Variants in SOS2 observed in about 807,000 individuals in gnomAD.
The protein encoded by SOS2 is son of sevenless homolog 2.
In SOS2, 65 loss-of-function variants were observed where a neutral mutation model predicts 148.2. The ratio of observed to expected loss-of-function variants is 0.44; its 90% CI spans 0.36 to 0.54. The LOEUF (loss-of-function observed/expected upper bound fraction) is 0.54. Among genes scored for constraint, SOS2 ranks in the 20% least tolerant of loss-of-function variants. The probability of loss-of-function intolerance (pLI) is 0.00; values close to 1 mark genes in which losing one functional copy is unlikely to be tolerated. For synonymous variants in SOS2, 539 were observed against 537.1 expected, an observed-to-expected ratio of 1.00 and a Z score of -0.05; for missense variants, 1,341 against 1,590.2, an observed-to-expected ratio of 0.84 and a Z score of 2.67.
intron 4 of SOS2, among the ~76,000 whole-genome samples, chr14:50,190,015 A>AT (rs796242126): frequency 5.3e-5 from 8 of 149,630 alleles, no homozygotes; most frequent in South Asian, 2.1e-4. Flanking sequence ...TGCCTGGCTA[A>AT]TTTTTTTTTG....
rs1053252632 is a variant in SOS2 at position 50,161,945 on chromosome 14, C to G, written c.1069-336G>C. On this transcript the variant is annotated intron_variant, in intron 8 of 22. Coordinates refer to ENST00000216373, the MANE Select transcript of SOS2 (RefSeq NM_006939.4). ...TTTAAAATTTCTGTAGAGACAGGGTCTCGCTATGTCTCCCAGGCTGGTCTT... is the reference window on the plus strand; with the variant it reads ...TTTAAAATTTCTGTAGAGACAGGGTGTCGCTATGTCTCCCAGGCTGGTCTT... Among the ~76,000 whole-genome samples the G allele has an allele frequency of 9.9e-5, 15 of 151,902 alleles. No homozygotes were observed. In the East Asian group the frequency reaches 2.3e-3, roughly 24 times the overall value.
chr14:50,120,129 T>C, intron 22 of SOS2, 146 bp downstream of exon 22: 2 of 575,668 alleles, frequency 3.5e-6, no homozygotes, highest in East Asian at 6.2e-5. Context: ...ATTAAACAAC[T>C]AAAAGTATTT....
chr14:50,188,355 C>G, intron 5 of SOS2, 142 bp downstream of exon 5: 1 of 600,858 alleles, frequency 1.7e-6, no homozygotes, highest in Non-Finnish European at 2.9e-6. Context: ...GTGGTGCGAG[C>G]TGAGATCACG....
chr14:50,212,742 G>A (rs1219226216), intron 1 of SOS2, among the ~76,000 whole-genome samples: 1 of 152,168 alleles, frequency 6.6e-6, no homozygotes, highest in Non-Finnish European at 1.5e-5. Flanking sequence ...CTTTTCTAGT[G>A]CCCATGTCAC....
chr14:50,143,689 G>A (rs1388371054), intron 16 of SOS2, among the ~76,000 whole-genome samples: 12 of 152,032 alleles, frequency 7.9e-5, no homozygotes, highest in East Asian at 1.9e-4. Context: ...TGATCCACCC[G>A]CCTCGGCCTC....
In SOS2 at chr14:50,215,502, G is replaced by A. The variant is rs1299143689; in HGVS notation, c.88-11093C>T. 4 of 1,230,724 alleles carry A rather than the reference G, an allele frequency of 3.3e-6. No homozygotes were observed. In the African/African-American group the frequency reaches 6.4e-5, roughly 20 times the overall value. The allele number at this position is 1,230,724 out of a possible 1,614,324, so 76.2% of individuals were successfully genotyped here. A position where few individuals can be genotyped will look rare whatever the true frequency, so the allele number is the denominator to read the frequency against. On this transcript the variant is annotated intron_variant, in intron 1 of 22. Transcript: ENST00000216373. ...GCCTATCATATTTTTTGAAAGCCTA[G>A]TCAGAAAAAGAGCAATTAAAATAAT...
intron 1 of SOS2, among the ~76,000 whole-genome samples, chr14:50,228,389 C>T (rs1887444489): frequency 1.3e-5 from 2 of 152,058 alleles, no homozygotes; most frequent in African/African-American, 2.4e-5. Context: ...CCAAAGCCTA[C>T]TCTTTTATGT....
chr14:50,214,117 AAG>A, intron 1 of SOS2, among the ~76,000 whole-genome samples: 1 of 25,780 alleles, frequency 3.9e-5, no homozygotes, highest in Non-Finnish European at 1.6e-4. Flanking sequence ...TTTTCATAAC[AAG>A]CTTTGCAGAG....
intron 8 of SOS2, among the ~76,000 whole-genome samples, chr14:50,169,989 A>ACC (rs1460740483): frequency 1.6e-4 from 24 of 152,194 alleles, no homozygotes; most frequent in African/African-American, 5.3e-4. Context: ...GTACTGACGT[A>ACC]AACATGGCTC....
chr14:50,228,314 A>C (rs752232325), intron 1 of SOS2, among the ~76,000 whole-genome samples: 8 of 152,096 alleles, frequency 5.3e-5, no homozygotes, highest in Non-Finnish European at 7.4e-5. Flanking sequence ...AGAGTGCTGG[A>C]TTACAGGTGT....
At chr14:50,166,345 C>T (rs1400956894) in intron 8 of SOS2, among the ~76,000 whole-genome samples, 1 of 152,064 alleles carries the variant, frequency 6.6e-6, no homozygotes, top group Non-Finnish European at 1.5e-5. Flanking sequence ...GCCTTAACCC[C>T]CCAACCCCTG....
chr14:50,185,263 T>C (rs750215002), intron 5 of SOS2, among the ~76,000 whole-genome samples: 13 of 152,156 alleles, frequency 8.5e-5, no homozygotes, highest in Non-Finnish European at 1.8e-4. Context: ...GATCTGACAC[T>C]ATTTAGAGGT....
intron 13 of SOS2, 118 bp downstream of exon 13, chr14:50,152,952 A>C: frequency 1.8e-6 from 1 of 542,344 alleles, no homozygotes; most frequent in Non-Finnish European, 3.3e-6. Flanking sequence ...ACAACAAAGC[A>C]AAGCTCTGTT....
intron 13 of SOS2, among the ~76,000 whole-genome samples, chr14:50,150,447 C>T (rs1303945565): frequency 6.6e-6 from 1 of 152,132 alleles, no homozygotes; most frequent in East Asian, 1.9e-4. Context: ...ACCTTTAAAA[C>T]ACTCTTTAAA....
chr14:50,180,552 AACCTTC>A lies in SOS2; in HGVS notation c.969+14_969+19del. On this transcript the variant is annotated intron_variant, in intron 7 of 22. Coordinates refer to ENST00000216373, the MANE Select transcript of SOS2 (RefSeq NM_006939.4). ...CTTTATTAAAAAAAAAAAAAAAAAAAACCTTCAATTTAAGTTTACCTGAAAGTGTAG... is the reference window on the plus strand; with the variant it reads ...CTTTATTAAAAAAAAAAAAAAAAAAAAATTTAAGTTTACCTGAAAGTGTAG... 1.8e-6 allele frequency: 2 copies of A among 1,085,164 alleles called. No individual in the cohort carries two copies. Among genetic ancestry groups the A allele is most frequent in the East Asian group, 2.5e-5 (1 of 40,264 alleles). 67.2% of individuals were successfully genotyped at this position (1,085,164 alleles called of 1,614,324 possible). A position where few individuals can be genotyped will look rare whatever the true frequency, so the allele number is the denominator to read the frequency against.
chr14:50,160,726 G>A (rs1210898886), intron 9 of SOS2, among the ~76,000 whole-genome samples: 1 of 152,152 alleles, frequency 6.6e-6, no homozygotes, highest in African/African-American at 2.4e-5. Context: ...TTGGCCAGGT[G>A]CAGTGGCTCA....
chr14:50,118,272 C>T lies in SOS2; in HGVS notation c.*72G>A. On this transcript the variant is annotated 3_prime_UTR_variant, in exon 23 of 23. Coordinates refer to ENST00000216373, the MANE Select transcript of SOS2 (RefSeq NM_006939.4). ...TGTAAAAAGTACTAAAATACTATGT[C>T]TTTTTTTGAATAAATTAAAAAAAAA... 7.8e-7 allele frequency: 1 copy of T among 1,284,358 alleles called. No individual in the cohort carries two copies. Among genetic ancestry groups the T allele is most frequent in the Non-Finnish European group, 1.1e-6 (1 of 927,762 alleles). 79.6% of individuals were successfully genotyped at this position (1,284,358 alleles called of 1,614,324 possible).
intron 8 of SOS2, among the ~76,000 whole-genome samples, chr14:50,165,135 C>A (rs1247581066): frequency 2.0e-5 from 3 of 152,158 alleles, no homozygotes; most frequent in Non-Finnish European, 2.9e-5. Context: ...TCTCATAGCT[C>A]ATCTTACAAC....
At chr14:50,134,801 C>T (rs1003377771) in intron 18 of SOS2, among the ~76,000 whole-genome samples, 4 of 151,968 alleles carry the variant, frequency 2.6e-5, no homozygotes, top group African/African-American at 9.7e-5. Flanking sequence ...AGGCCGAGCA[C>T]GGTGGCTCAC....
Sources: allele counts gnomAD v4.1 joint callset (sites outside exome capture counted in the v4.1 genomes callset), GRCh38; gene constraint gnomAD v4.1.1; transcripts MANE v1.5; gene names NCBI Gene and HGNC (gene_info 2026-07-23, HGNC 2026-07-21).